The following PCDHGA8 variants were observed in gnomAD, a reference collection of about 807,000 sequenced individuals.
PCDHGA8 encodes the protein protocadherin gamma-A8.
PCDHGA8 carries 45 observed loss-of-function variants against 59.2 expected under a neutral mutation model. The observed-to-expected ratio is 0.76, with a 90% CI of 0.60 to 0.98. The LOEUF is 0.98. PCDHGA8 is among the 50% of genes least tolerant of loss of function. The pLI is 0.00. For missense variants in PCDHGA8, 1,257 were observed against 1,196.2 expected, an observed-to-expected ratio of 1.05 and a Z score of -0.75; for synonymous variants, 531 against 519.0, an observed-to-expected ratio of 1.02 and a Z score of -0.32.
At chr5:141,434,240 T>A (rs979144259) in intron 1 of PCDHGA8, among the ~76,000 whole-genome samples, 1 of 152,336 alleles carries the variant, frequency 6.6e-6, no homozygotes, top group East Asian at 1.9e-4. Flanking sequence ...CTGGACTAGA[T>A]GACTTGGGCA....
At chr5:141,422,786 C>T in intron 1 of PCDHGA8, 1 of 1,614,178 alleles carries the variant, frequency 6.2e-7, no homozygotes, top group Non-Finnish European at 8.5e-7. Context: ...GCCCTACAAT[C>T]CTTCGACTAT....
chr5:141,393,896 T>C lies in PCDHGA8; in HGVS notation c.1083T>C (p.Leu361=), dbSNP rs754023896. 3.1e-6 allele frequency: 5 copies of C among 1,613,942 alleles called. No homozygotes were observed. In the East Asian group the frequency reaches 1.1e-4, roughly 36 times the overall value. The change falls in exon 1 of 4, where the codon CTT becomes CTC. Residue 361 remains leucine, a synonymous_variant. Coordinates refer to ENST00000398604, the MANE Select transcript of PCDHGA8 (RefSeq NM_032088.2). ...SLFSPVLENS[L]PGTVIAFLSV... is the part of the protein sequence containing the mutation. Reference sequence around the variant, plus strand: ...TTAGCCCAGTGTTAGAAAATTCTCTTCCCGGGACAGTAATTGCCTTCTTGA... The same window carrying C: ...TTAGCCCAGTGTTAGAAAATTCTCTCCCCGGGACAGTAATTGCCTTCTTGA...
At chr5:141,438,633 TATACAC>T (rs1275936248) in intron 1 of PCDHGA8, among the ~76,000 whole-genome samples, 1,035 of 33,718 alleles carry the variant, frequency 0.031, 6 homozygotes, top group African/African-American at 0.063. Context: ...TATATATATA[TATACAC>T]ACACACACAC....
At chr5:141,450,293 G>A (rs879439714) in intron 1 of PCDHGA8, among the ~76,000 whole-genome samples, 6 of 151,746 alleles carry the variant, frequency 4.0e-5, no homozygotes, top group Non-Finnish European at 7.4e-5. Flanking sequence ...GATTACAGGC[G>A]TGAGCCACCA....
Position 141,395,256 on chromosome 5 carries a change from T to G in PCDHGA8, c.2424+19T>G. The G allele has an allele frequency of 6.4e-7, 1 of 1,554,392 alleles. No individual in the cohort carries two copies. Among genetic ancestry groups the G allele is most frequent in the East Asian group, 2.3e-5 (1 of 44,164 alleles). ...TGGTCAGGTGAGTTTAGTTCTTTGC[T>G]TGCTTTTAATTTCCAGATGAATTTT... On this transcript the variant is annotated intron_variant, in intron 1 of 3. Transcript: ENST00000398604.
At chr5:141,405,082 G>A (rs376389835) in intron 1 of PCDHGA8, 21 of 1,613,674 alleles carry the variant, frequency 1.3e-5, no homozygotes, top group East Asian at 2.2e-5. Context: ...TCGTTATCAC[G>A]CTGCTGGCCC....
At chr5:141,428,313 C>T in intron 1 of PCDHGA8, 1 of 671,482 alleles carries the variant, frequency 1.5e-6, no homozygotes, top group Non-Finnish European at 2.6e-6. Context: ...TGGTCGTGGC[C>T]TTGGCCTTGA....
intron 1 of PCDHGA8, among the ~76,000 whole-genome samples, chr5:141,457,906 T>G (rs1272656638): frequency 6.7e-6 from 1 of 150,040 alleles, no homozygotes; most frequent in Admixed American, 6.6e-5. Flanking sequence ...AGACAAGGTG[T>G]GAGGCCAGTT....
chr5:141,455,897 T>C (rs1330516646), intron 1 of PCDHGA8, among the ~76,000 whole-genome samples: 1 of 149,800 alleles, frequency 6.7e-6, no homozygotes, highest in African/African-American at 2.4e-5. Flanking sequence ...ATTTATTTAT[T>C]TATTTATTTA....
At chr5:141,461,924 A>C (rs930104571) in intron 1 of PCDHGA8, among the ~76,000 whole-genome samples, 1 of 152,100 alleles carries the variant, frequency 6.6e-6, no homozygotes, top group East Asian at 1.9e-4. Context: ...CCTGGGTTCC[A>C]GCAATTCTCC....
chr5:141,478,631 A>G (rs781339775), intron 1 of PCDHGA8: 1 of 1,553,196 alleles, frequency 6.4e-7, no homozygotes, highest in Non-Finnish European at 8.7e-7. Context: ...CTGTTTTTTT[A>G]GTGATGAAGA....
chr5:141,413,992 A>G (rs1437832303), intron 1 of PCDHGA8: 1 of 1,613,538 alleles, frequency 6.2e-7, no homozygotes, highest in Admixed American at 1.7e-5. Flanking sequence ...AGCCACCGAC[A>G]GGGACGAAGG....
Position 141,393,544 on chromosome 5 carries a change from A to T in PCDHGA8, c.731A>T (p.His244Leu). 6.2e-7 allele frequency: 1 copy of T among 1,613,800 alleles called. No homozygotes were observed. Among genetic ancestry groups the T allele is most frequent in the East Asian group, 2.2e-5 (1 of 44,860 alleles). ...AATGACAATGCCCCGGTTTTTCCTC[A>T]CCCGATTTACCGAGTGAAAGTCCTT... Reference protein sequence around the residue: ...DTNDNAPVFPHPIYRVKVLEN... With the variant: ...DTNDNAPVFPLPIYRVKVLEN... The change falls in exon 1 of 4, where the codon CAC becomes CTC. Residue 244 changes from histidine to leucine, a missense_variant. Physicochemically the swap from His to Leu is moderately conservative, Grantham distance 99 (BLOSUM62 -3). Coordinates refer to ENST00000398604, the MANE Select transcript of PCDHGA8 (RefSeq NM_032088.2).
At chr5:141,424,120 C>A in intron 1 of PCDHGA8, 2 of 650,838 alleles carry the variant, frequency 3.1e-6, no homozygotes, top group Non-Finnish European at 3.9e-6. Context: ...AAATTTTGAT[C>A]CTGTTGATTT....
intron 1 of PCDHGA8, chr5:141,421,453 T>G: frequency 1.2e-6 from 2 of 1,614,102 alleles, no homozygotes; most frequent in Middle Eastern, 1.6e-4. Context: ...GACACAGCTT[T>G]TCGCTGTGAA....
At chr5:141,418,855 A>C in intron 1 of PCDHGA8, 1 of 1,614,042 alleles carries the variant, frequency 6.2e-7, no homozygotes, top group Non-Finnish European at 8.5e-7. Context: ...CACGGTGTAA[A>C]GTAATTGTAG....
chr5:141,450,568 C>A (rs2098685790), intron 1 of PCDHGA8, among the ~76,000 whole-genome samples: 1 of 152,002 alleles, frequency 6.6e-6, no homozygotes. Flanking sequence ...CTCACTGCAA[C>A]TTCTGCCTCC....
intron 1 of PCDHGA8, chr5:141,398,705 A>G (rs778909536): frequency 6.2e-7 from 1 of 1,613,874 alleles, no homozygotes; most frequent in Admixed American, 1.7e-5. Flanking sequence ...AAATACCCGG[A>G]ACTGGCACTG....
At position 141,491,823 on chromosome 5, in the gene PCDHGA8, C is replaced by G; in HGVS notation, c.2425-2984C>G. Reference sequence around the variant, plus strand: ...GCCGGCTTGGTCGCTGGCTGCGCTCCACCCGATTCTCGGGATCATTGGACC... The same window carrying G: ...GCCGGCTTGGTCGCTGGCTGCGCTCGACCCGATTCTCGGGATCATTGGACC... On this transcript the variant is annotated intron_variant, in intron 1 of 3. Transcript: ENST00000398604. The surrounding 1 kb of genome is among the most constrained non-coding windows in gnomAD (Gnocchi z 6.9). The G allele has an allele frequency of 6.8e-7, 1 of 1,479,156 alleles. No individual in the cohort carries two copies. Among genetic ancestry groups the G allele is most frequent in the Non-Finnish European group, 9.0e-7 (1 of 1,115,292 alleles). 91.6% of individuals were successfully genotyped at this position (1,479,156 alleles called of 1,614,324 possible). A position where few individuals can be genotyped will look rare whatever the true frequency, so the allele number is the denominator to read the frequency against.
Sources: allele counts gnomAD v4.1 joint callset (sites outside exome capture counted in the v4.1 genomes callset), GRCh38; gene constraint gnomAD v4.1.1; non-coding constraint Gnocchi (gnomAD v3.1); transcripts MANE v1.5; gene names NCBI Gene and HGNC (gene_info 2026-07-23, HGNC 2026-07-21).